The following SH3RF2 variants were observed in gnomAD, a reference collection of about 807,000 sequenced individuals.
SH3RF2 encodes E3 ubiquitin-protein ligase SH3RF2.
A neutral mutation model predicts 59.0 loss-of-function variants in SH3RF2; 43 were observed. That is an observed-to-expected ratio of 0.73 (90% CI 0.57 to 0.94). The LOEUF is 0.94. Among genes scored for constraint, SH3RF2 ranks in the 40% least tolerant of loss-of-function variants. The probability of loss-of-function intolerance (pLI) is 0.00; values close to 1 mark genes in which losing one functional copy is unlikely to be tolerated. For missense variants in SH3RF2, 930 were observed against 940.1 expected (o/e 0.99, Z 0.14); for synonymous variants, 391 against 391.5 (o/e 1.00, Z 0.01).
At chr5:145,945,755 G>C (rs556966893) in intron 2 of SH3RF2, among the ~76,000 whole-genome samples, 1 of 152,092 alleles carries the variant, frequency 6.6e-6, no homozygotes, top group African/African-American at 2.4e-5. Flanking sequence ...CCAGGAAGAC[G>C]CATGTCAAGC....
At chr5:145,997,445 T>C (rs1340986437) in intron 2 of SH3RF2, 5 of 1,466,838 alleles carry the variant, frequency 3.4e-6, no homozygotes, top group South Asian at 1.1e-5. Context: ...GGTGCAAGGA[T>C]GTTTATGTCT....
intron 2 of SH3RF2, among the ~76,000 whole-genome samples, chr5:145,974,216 C>T (rs1205080698): frequency 6.6e-6 from 1 of 152,238 alleles, no homozygotes; most frequent in Non-Finnish European, 1.5e-5. Context: ...CCTCCTAACA[C>T]AGCCACTTCT....
At chr5:145,982,101 C>T (rs1390303699) in intron 2 of SH3RF2, among the ~76,000 whole-genome samples, 1 of 152,164 alleles carries the variant, frequency 6.6e-6, no homozygotes, top group East Asian at 1.9e-4. Context: ...ATGAGTGCCT[C>T]AGGTATGTAT....
At chr5:146,001,779 G>T (rs1760427810) in intron 3 of SH3RF2, among the ~76,000 whole-genome samples, 1 of 152,152 alleles carries the variant, frequency 6.6e-6, no homozygotes, top group South Asian at 2.1e-4. Context: ...CACTGAGCTG[G>T]CAATCTAGTG....
intron 2 of SH3RF2, among the ~76,000 whole-genome samples, chr5:145,956,240 A>G (rs1561708513): frequency 6.6e-6 from 1 of 152,130 alleles, no homozygotes. Flanking sequence ...AAGATGTAAC[A>G]GGATTGACAG....
rs1446758714 is a variant in SH3RF2, at chr5:146,055,733, A to C, written c.1323-248A>C. On this transcript the variant is annotated intron_variant, in intron 7 of 9. Coordinates refer to ENST00000359120, the MANE Select transcript of SH3RF2 (RefSeq NM_152550.4). ...GATGAAATTCAAGTCTTCTAGCTCC[A>C]CCAAGGCCTTGATATGAGCCCCCCT... The C allele has an allele frequency of 9.1e-6, 5 of 549,570 alleles. No individual in the cohort carries two copies. In the East Asian group the frequency reaches 1.6e-4, roughly 17 times the overall value. 34.0% of individuals were successfully genotyped at this position (549,570 alleles called of 1,614,324 possible).
At position 145,938,033 on chromosome 5, in the gene SH3RF2, A is replaced by G. The variant is rs774790747; in HGVS notation, c.105A>G (p.Pro35=). ...VLPCQHTFCK[P]CLQRVFKAHK... Reference sequence around the variant, plus strand: ...CTTGCCAGCACACCTTCTGCAAACCATGTCTACAGAGGGTTTTCAAGGCCC... The same window carrying G: ...CTTGCCAGCACACCTTCTGCAAACCGTGTCTACAGAGGGTTTTCAAGGCCC... The change falls in exon 2 of 10, where the codon CCA becomes CCG. Residue 35 remains proline, a synonymous_variant. Transcript: ENST00000359120. 1.9e-6 allele frequency: 3 copies of G among 1,614,182 alleles called. No homozygotes were observed. Among genetic ancestry groups the G allele is most frequent in the Non-Finnish European group, 2.5e-6 (3 of 1,180,030 alleles).
At chr5:145,964,142 T>C (rs1758755817) in intron 2 of SH3RF2, among the ~76,000 whole-genome samples, 1 of 151,852 alleles carries the variant, frequency 6.6e-6, no homozygotes, top group South Asian at 2.1e-4. Flanking sequence ...TCTTCCTTTC[T>C]TTCCTTCCTT....
chr5:145,958,287 T>C (rs1758495422), intron 2 of SH3RF2, among the ~76,000 whole-genome samples: 1 of 152,176 alleles, frequency 6.6e-6, no homozygotes, highest in African/African-American at 2.4e-5. Flanking sequence ...TAAGGCTGAA[T>C]CATTAGTTGT....
Position 146,059,902 on chromosome 5 carries a change from C to G in SH3RF2, c.1592C>G (p.Pro531Arg). ...SLQRPLQSGI[P>R]TLVVGSLRRS... ...CAGAGACCCCTCCAGTCCGGGATCC[C>G]CACTCTCGTGGTAGGCTCCCTCAGA... Residue 531 changes from proline (P) to arginine (R), a missense_variant, in exon 9 of 10, where the codon CCC becomes CGC. Physicochemically the swap from Pro to Arg is moderately radical, Grantham distance 103. Transcript: ENST00000359120. 6.7e-7 allele frequency: 1 copy of G among 1,498,016 alleles called. No homozygotes were observed. The highest frequency in any genetic ancestry group is 8.9e-7 in the Non-Finnish European group (1 of 1,123,742). 92.8% of individuals were successfully genotyped at this position (1,498,016 alleles called of 1,614,324 possible). A position where few individuals can be genotyped will look rare whatever the true frequency, so the allele number is the denominator to read the frequency against.
At chr5:145,969,144 A>C (rs904068718) in intron 2 of SH3RF2, among the ~76,000 whole-genome samples, 2 of 152,194 alleles carry the variant, frequency 1.3e-5, no homozygotes, top group African/African-American at 2.4e-5. Flanking sequence ...TGCCAAACAG[A>C]CAAGCCAAGC....
intron 8 of SH3RF2, among the ~76,000 whole-genome samples, chr5:146,057,247 C>T (rs1762703311): frequency 6.6e-6 from 1 of 152,176 alleles, no homozygotes; most frequent in Non-Finnish European, 1.5e-5. Context: ...GCTTCGCTGT[C>T]CAGTGCCTTC....
At chr5:145,977,897 C>T (rs1759354985) in intron 2 of SH3RF2, among the ~76,000 whole-genome samples, 1 of 152,156 alleles carries the variant, frequency 6.6e-6, no homozygotes, top group African/African-American at 2.4e-5. Context: ...CTGATTGACC[C>T]CTGTTTCACA....
chr5:145,995,631 A>T (rs1760119026), intron 2 of SH3RF2, among the ~76,000 whole-genome samples: 1 of 152,218 alleles, frequency 6.6e-6, no homozygotes, highest in South Asian at 2.1e-4. Flanking sequence ...TAAGCAATAC[A>T]ATTATTTTAT....
intron 9 of SH3RF2, among the ~76,000 whole-genome samples, chr5:146,071,261 C>T (rs1267895827): frequency 6.6e-6 from 1 of 152,208 alleles, no homozygotes; most frequent in Non-Finnish European, 1.5e-5. Flanking sequence ...GCAAGCCCCA[C>T]CACCACCTTC....
intron 2 of SH3RF2, among the ~76,000 whole-genome samples, chr5:145,983,819 C>T (rs555305922): frequency 2.6e-5 from 4 of 152,138 alleles, no homozygotes; most frequent in African/African-American, 9.6e-5. Context: ...AGGCAAGTAC[C>T]CACTGGAAAA....
chr5:145,975,071 C>T (rs1473602014), intron 2 of SH3RF2, among the ~76,000 whole-genome samples: 1 of 152,220 alleles, frequency 6.6e-6, no homozygotes, highest in East Asian at 1.9e-4. Flanking sequence ...CTTGGAGACA[C>T]CTGGCTCATC....
intron 2 of SH3RF2, among the ~76,000 whole-genome samples, chr5:145,944,120 A>G (rs72816488): frequency 1.1e-3 from 170 of 152,250 alleles, no homozygotes; most frequent in South Asian, 2.9e-3. Flanking sequence ...GACATCCAAA[A>G]TGCTCCAAAA....
chr5:146,002,219 G>A (rs1014209173), intron 3 of SH3RF2, among the ~76,000 whole-genome samples: 3 of 152,146 alleles, frequency 2.0e-5, no homozygotes, highest in Admixed American at 6.5e-5. Context: ...GGGAGACCGC[G>A]GCAGGCGGAT....
Sources: gnomAD v4.1 joint callset for allele counts (sites outside exome capture counted in the v4.1 genomes callset) on GRCh38, gnomAD v4.1.1 for gene constraint, MANE v1.5 for transcripts, NCBI Gene and HGNC (gene_info 2026-07-23, HGNC 2026-07-21) for gene names.